The following NTN4 variants were observed in gnomAD, a reference collection of about 807,000 sequenced individuals.
NTN4 encodes the protein netrin 4.
NTN4 carries 32 observed loss-of-function variants against 73.6 expected under a neutral mutation model. That is an observed-to-expected ratio of 0.44 (90% CI 0.33 to 0.58). The LOEUF is 0.58. Among genes scored for constraint, NTN4 ranks in the 20% least tolerant of loss-of-function variants. NTN4 has a pLI of 0.04. For synonymous variants in NTN4, 258 were observed against 287.5 expected, an observed-to-expected ratio of 0.90 and a Z score of 1.04; for missense variants, 654 against 798.3, an observed-to-expected ratio of 0.82 and a Z score of 2.18.
At chr12:95,758,287 C>T (rs2078961092) in intron 2 of NTN4, among the ~76,000 whole-genome samples, 1 of 152,154 alleles carries the variant, frequency 6.6e-6, no homozygotes, top group African/African-American at 2.4e-5. Flanking sequence ...TGAAAGTGAG[C>T]AGTATCTCCC....
chr12:95,684,100 G>A (rs2078341315), intron 5 of NTN4, among the ~76,000 whole-genome samples: 1 of 152,166 alleles, frequency 6.6e-6, no homozygotes, highest in Non-Finnish European at 1.5e-5. Flanking sequence ...GGCAGCATCA[G>A]CTGTGGCAGA....
chr12:95,754,389 A>C (rs1592705809), intron 2 of NTN4, among the ~76,000 whole-genome samples: 1 of 151,790 alleles, frequency 6.6e-6, no homozygotes, highest in Non-Finnish European at 1.5e-5. Context: ...CACCCCCAAA[A>C]ATTTTCGCCG....
At chr12:95,730,911 G>A (rs2078732446) in intron 3 of NTN4, among the ~76,000 whole-genome samples, 1 of 152,158 alleles carries the variant, frequency 6.6e-6, no homozygotes, top group African/African-American at 2.4e-5. Context: ...AAATGATAGA[G>A]GTTGCTGGTG....
At chr12:95,753,923 C>G (rs2078928770) in intron 2 of NTN4, among the ~76,000 whole-genome samples, 1 of 152,156 alleles carries the variant, frequency 6.6e-6, no homozygotes, top group South Asian at 2.1e-4. Flanking sequence ...AGTCATACTC[C>G]TATTCACCGT....
intron 1 of NTN4, among the ~76,000 whole-genome samples, chr12:95,788,393 G>A (rs893229007): frequency 2.0e-5 from 3 of 152,154 alleles, no homozygotes; most frequent in African/African-American, 7.2e-5. Flanking sequence ...GTTTTAAAAT[G>A]ACTTAAAATG....
chr12:95,676,467 C>T (rs2078274128), intron 7 of NTN4, among the ~76,000 whole-genome samples: 1 of 151,734 alleles, frequency 6.6e-6, no homozygotes, highest in African/African-American at 2.4e-5. Flanking sequence ...ATATCCTAGA[C>T]AACTCAATGG....
intron 2 of NTN4, among the ~76,000 whole-genome samples, chr12:95,761,902 C>T (rs2078991655): frequency 6.6e-6 from 1 of 152,076 alleles, no homozygotes; most frequent in Non-Finnish European, 1.5e-5. Flanking sequence ...TCCATGGTGG[C>T]AAAAGCTTTT....
chr12:95,664,518 G>C (rs2078164445), intron 9 of NTN4, among the ~76,000 whole-genome samples: 1 of 152,106 alleles, frequency 6.6e-6, no homozygotes, highest in Non-Finnish European at 1.5e-5. Context: ...AGTTTGTTTA[G>C]ACTGAGGGGA....
intron 3 of NTN4, among the ~76,000 whole-genome samples, chr12:95,735,542 T>C (rs1295905668): frequency 6.6e-6 from 1 of 152,180 alleles, no homozygotes; most frequent in Non-Finnish European, 1.5e-5. Context: ...AGTAAGAAAA[T>C]GAGGTTTCCG....
intron 3 of NTN4, among the ~76,000 whole-genome samples, chr12:95,723,119 T>C: frequency 6.6e-6 from 1 of 152,112 alleles, no homozygotes. Flanking sequence ...GAATAATGAT[T>C]TCCTAGAACA....
intron 2 of NTN4, among the ~76,000 whole-genome samples, chr12:95,765,047 T>A (rs1364939589): frequency 6.6e-6 from 1 of 152,226 alleles, no homozygotes; most frequent in Non-Finnish European, 1.5e-5. Context: ...AATTCCTTCA[T>A]GAATCTGAAA....
At chr12:95,762,476 G>C (rs988921143) in intron 2 of NTN4, among the ~76,000 whole-genome samples, 1 of 152,096 alleles carries the variant, frequency 6.6e-6, no homozygotes, top group East Asian at 1.9e-4. Flanking sequence ...ATTAAGTTTC[G>C]GTCTGAAGTA....
At chr12:95,738,960 C>G (rs1006288823) in intron 2 of NTN4, among the ~76,000 whole-genome samples, 1 of 152,178 alleles carries the variant, frequency 6.6e-6, no homozygotes, top group Non-Finnish European at 1.5e-5. Context: ...ACCTCCCATT[C>G]TCCTCAGAAC....
intron 7 of NTN4, among the ~76,000 whole-genome samples, chr12:95,677,982 T>C (rs1391930781): frequency 2.0e-5 from 3 of 152,162 alleles, no homozygotes; most frequent in Non-Finnish European, 4.4e-5. Context: ...GTGACACATA[T>C]ACACCATGGA....
At chr12:95,677,164 G>A (rs1429747625) in intron 7 of NTN4, among the ~76,000 whole-genome samples, 2 of 152,080 alleles carry the variant, frequency 1.3e-5, no homozygotes, top group Non-Finnish European at 1.5e-5. Flanking sequence ...GGGAGGCAGA[G>A]GTTGCAGTGA....
chr12:95,762,851 GCAAA>G (rs1337266340), intron 2 of NTN4, among the ~76,000 whole-genome samples: 11 of 152,296 alleles, frequency 7.2e-5, no homozygotes, highest in Middle Eastern at 6.8e-3. Context: ...AGAGAAATTG[GCAAA>G]CAAACTAACT....
chr12:95,691,174 C>T (rs2078398937), intron 5 of NTN4, among the ~76,000 whole-genome samples: 1 of 152,244 alleles, frequency 6.6e-6, no homozygotes, highest in South Asian at 2.1e-4. Context: ...CTGACACATA[C>T]AATCTACTTT....
At chr12:95,769,958 C>T (rs2079046096) in intron 2 of NTN4, among the ~76,000 whole-genome samples, 1 of 151,958 alleles carries the variant, frequency 6.6e-6, no homozygotes, top group South Asian at 2.1e-4. Flanking sequence ...GGTTTCAGCA[C>T]ATTGGCCAGG....
intron 3 of NTN4, among the ~76,000 whole-genome samples, chr12:95,736,085 C>T (rs4762613): frequency 0.46 from 70,335 of 151,502 alleles, 16,588 homozygotes; most frequent in East Asian, 0.7. Context: ...AATACAGGCG[C>T]CCACCACTAT....
Sources: gnomAD v4.1 joint callset for allele counts (sites outside exome capture counted in the v4.1 genomes callset) on GRCh38, gnomAD v4.1.1 for gene constraint, MANE v1.5 for transcripts, NCBI Gene and HGNC (gene_info 2026-07-23, HGNC 2026-07-21) for gene names.